The following IL1RAPL2 variants were observed in gnomAD, a reference collection of about 807,000 sequenced individuals.
IL1RAPL2 encodes the protein X-linked interleukin-1 receptor accessory protein-like 2.
IL1RAPL2 carries 3 observed loss-of-function variants against 44.1 expected under a neutral mutation model. The observed-to-expected ratio is 0.07, with a 90% confidence interval of 0.03 to 0.18. IL1RAPL2 has a LOEUF of 0.18. Ranked by LOEUF, IL1RAPL2 falls within the 10% of genes least tolerant of loss-of-function variation. The pLI is 1.00. For missense variants in IL1RAPL2, 391 were observed against 496.4 expected (o/e 0.79, Z 2.02); for synonymous variants, 181 against 178.8 (o/e 1.01, Z -0.10).
chrX:105,262,833 C>T (rs757139121), intron 4 of IL1RAPL2, among the ~76,000 whole-genome samples: 2 of 111,284 alleles, frequency 1.8e-5, no homozygotes, highest in South Asian at 7.6e-4. Flanking sequence ...TGCAATCGTA[C>T]TCCTAATTGT....
At chrX:105,590,849 T>TGTGTGTGTGTGTGTGTGTGTG (rs1569456765) in intron 6 of IL1RAPL2, among the ~76,000 whole-genome samples, 2 of 80,811 alleles carry the variant, frequency 2.5e-5, no homozygotes, top group African/African-American at 1.1e-4. Context: ...GTGTGTGTGT[T>TGTGTGTGTGTGTGTGTGTGTG]TGTGTGTGTT....
At chrX:104,829,445 C>T (rs1415850754) in intron 2 of IL1RAPL2, among the ~76,000 whole-genome samples, 1 of 111,831 alleles carries the variant, frequency 8.9e-6, no homozygotes, top group Non-Finnish European at 1.9e-5. Flanking sequence ...TCTGCTCGCT[C>T]TCCATGGGCT....
intron 6 of IL1RAPL2, among the ~76,000 whole-genome samples, chrX:105,580,362 GTTT>G (rs149950677): frequency 2.4e-5 from 2 of 84,648 alleles, no homozygotes; most frequent in African/African-American, 8.6e-5. Flanking sequence ...AACCCCCCGT[GTTT>G]TTTTTTTTTT....
At chrX:105,445,670 T>A (rs1210671061) in intron 5 of IL1RAPL2, among the ~76,000 whole-genome samples, 1 of 111,717 alleles carries the variant, frequency 9.0e-6, no homozygotes, top group Non-Finnish European at 1.9e-5. Flanking sequence ...GAGAATATTC[T>A]TTAATTTCCA....
intron 2 of IL1RAPL2, among the ~76,000 whole-genome samples, chrX:104,822,395 A>G (rs1220538020): frequency 8.9e-6 from 1 of 111,873 alleles, no homozygotes. Context: ...TTACAGTTAA[A>G]TCTTCAATCC....
At chrX:105,184,585 GTTA>G (rs1426235579) in intron 2 of IL1RAPL2, among the ~76,000 whole-genome samples, 6 of 109,277 alleles carry the variant, frequency 5.5e-5, no homozygotes, top group African/African-American at 9.9e-5. Flanking sequence ...TGGAATATAA[GTTA>G]TTATAATATA....
chrX:105,523,521 G>A (rs1248210680), intron 6 of IL1RAPL2, among the ~76,000 whole-genome samples: 1 of 111,333 alleles, frequency 9.0e-6, no homozygotes, highest in Non-Finnish European at 1.9e-5. Flanking sequence ...GTAATAATTG[G>A]TATTTGTTTT....
chrX:104,994,803 G>T (rs1395759660), intron 2 of IL1RAPL2, among the ~76,000 whole-genome samples: 1 of 111,094 alleles, frequency 9.0e-6, no homozygotes, highest in East Asian at 2.9e-4. Context: ...AAATTACTGT[G>T]AGCTCCTTGT....
chrX:104,867,817 T>C (rs1324632691), intron 2 of IL1RAPL2, among the ~76,000 whole-genome samples: 4 of 111,894 alleles, frequency 3.6e-5, no homozygotes, highest in Non-Finnish European at 7.5e-5. Flanking sequence ...GCAATCCAAT[T>C]GAGAAATAAT....
At chrX:105,243,565 GTGTATATATATATATATATGTGTA>G (rs1277480320) in intron 4 of IL1RAPL2, among the ~76,000 whole-genome samples, 8 of 78,625 alleles carry the variant, frequency 1.0e-4, no homozygotes, top group African/African-American at 9.1e-4. Context: ...ATATATATGT[GTGTATATATATATATATATGTGTA>G]TATATATATA....
At chrX:105,680,531 G>A (rs2037915404) in intron 6 of IL1RAPL2, among the ~76,000 whole-genome samples, 1 of 112,296 alleles carries the variant, frequency 8.9e-6, no homozygotes, top group African/African-American at 3.2e-5. Flanking sequence ...TCCTAGGCAA[G>A]TCCTTGGTTG....
intron 5 of IL1RAPL2, among the ~76,000 whole-genome samples, chrX:105,439,273 C>A (rs768200071): frequency 9.0e-6 from 1 of 111,524 alleles, no homozygotes; most frequent in Non-Finnish European, 1.9e-5. Context: ...GTGATCTTGG[C>A]TTGGCTGTTG....
intron 2 of IL1RAPL2, among the ~76,000 whole-genome samples, chrX:104,947,069 C>T (rs1384189296): frequency 9.1e-6 from 1 of 110,065 alleles, no homozygotes; most frequent in African/African-American, 3.3e-5. Flanking sequence ...ACATCCTCTC[C>T]AGCACTTCTT....
intron 2 of IL1RAPL2, among the ~76,000 whole-genome samples, chrX:105,089,163 C>G (rs188203083): frequency 1.8e-5 from 2 of 110,733 alleles, no homozygotes; most frequent in African/African-American, 6.5e-5. Flanking sequence ...CTAGTGTTTT[C>G]TTCCTTAACT....
intron 5 of IL1RAPL2, among the ~76,000 whole-genome samples, chrX:105,420,019 T>G: frequency 9.0e-6 from 1 of 110,947 alleles, no homozygotes; most frequent in East Asian, 2.8e-4. Flanking sequence ...TGTTTTGAAC[T>G]TTCCTCCACA....
chrX:104,733,314 G>A (rs775664092), intron 2 of IL1RAPL2, among the ~76,000 whole-genome samples: 1 of 111,084 alleles, frequency 9.0e-6, no homozygotes, highest in Admixed American at 9.6e-5. Flanking sequence ...ATTCAGGACC[G>A]GGCGCAGTGG....
At chrX:105,176,753 C>T (rs1223445790) in intron 2 of IL1RAPL2, among the ~76,000 whole-genome samples, 2 of 110,504 alleles carry the variant, frequency 1.8e-5, no homozygotes, top group Non-Finnish European at 3.8e-5. Flanking sequence ...TCATTACCAC[C>T]CCTCCTTGAC....
At chrX:105,114,226 A>G (rs1245955219) in intron 2 of IL1RAPL2, among the ~76,000 whole-genome samples, 6 of 111,884 alleles carry the variant, frequency 5.4e-5, no homozygotes, top group Admixed American at 9.4e-5. Context: ...TACAGTGGGA[A>G]GATGGTTATC....
chrX:104,909,605 T>C (rs1018566333), intron 2 of IL1RAPL2, among the ~76,000 whole-genome samples: 1 of 111,739 alleles, frequency 8.9e-6, no homozygotes, highest in Non-Finnish European at 1.9e-5. Context: ...CCCCTTGCCG[T>C]GTGAGGTGTC....
Sources: gnomAD v4.1 joint callset for allele counts (sites outside exome capture counted in the v4.1 genomes callset) on GRCh38, gnomAD v4.1.1 for gene constraint, MANE v1.5 for transcripts, NCBI Gene and HGNC (gene_info 2026-07-23, HGNC 2026-07-21) for gene names.